CTTNBP2: variants seen among roughly 807,000 people sequenced by gnomAD.
The protein encoded by CTTNBP2 is cortactin-binding protein 2.
A neutral mutation model predicts 156.9 loss-of-function variants in CTTNBP2; 108 were observed. The observed-to-expected ratio is 0.69, with a 90% CI of 0.59 to 0.81. The LOEUF is 0.81. Among genes scored for constraint, CTTNBP2 ranks in the 30% least tolerant of loss-of-function variants. CTTNBP2 has a pLI of 0.00. For missense variants in CTTNBP2, 1,924 were observed against 2,035.4 expected, an observed-to-expected ratio of 0.95 and a Z score of 1.05; for synonymous variants, 767 against 751.8, an observed-to-expected ratio of 1.02 and a Z score of -0.33.
chr7:117,768,873 T>C (rs1202707557), intron 8 of CTTNBP2, among the ~76,000 whole-genome samples: 1 of 152,328 alleles, frequency 6.6e-6, no homozygotes, highest in Non-Finnish European at 1.5e-5. Flanking sequence ...TTCATCCATG[T>C]GTTGGGAGTA....
chr7:117,831,604 G>A (rs1334481104), intron 2 of CTTNBP2, among the ~76,000 whole-genome samples: 1 of 152,088 alleles, frequency 6.6e-6, no homozygotes, highest in Non-Finnish European at 1.5e-5. Context: ...ACATTTGAAA[G>A]ACTGTATACA....
chr7:117,831,809 C>T (rs1245118612), intron 2 of CTTNBP2, among the ~76,000 whole-genome samples: 1 of 152,032 alleles, frequency 6.6e-6, no homozygotes, highest in Admixed American at 6.6e-5. Flanking sequence ...TGCTAGAGAT[C>T]AGTTTCTTTT....
intron 3 of CTTNBP2, among the ~76,000 whole-genome samples, chr7:117,810,026 C>T (rs1563029551): frequency 6.6e-6 from 1 of 151,988 alleles, no homozygotes; most frequent in Admixed American, 6.6e-5. Flanking sequence ...TTTCTATTTA[C>T]TTATTTCCTT....
intron 7 of CTTNBP2, 92 bp downstream of exon 7, chr7:117,780,349 C>A: frequency 1.2e-6 from 1 of 854,774 alleles, no homozygotes; most frequent in Non-Finnish European, 1.7e-6. Flanking sequence ...AAAGCAACCT[C>A]TATTTTAATT....
chr7:117,789,034 A>G (rs889541841), intron 4 of CTTNBP2, among the ~76,000 whole-genome samples: 1 of 152,138 alleles, frequency 6.6e-6, no homozygotes, highest in African/African-American at 2.4e-5. Context: ...GACATAAGTG[A>G]AGGGCATTTT....
rs1236566141 is a variant in CTTNBP2 at position 117,791,223 on chromosome 7, A to G, written c.1973T>C (p.Ile658Thr). ...AGAGCAAAAGGCAATGGTGGTAGGA[A>G]TGACAAGGGAACTGTCTGAACATGC... ...QPACSDSSLVIPTTIAFCSSI... is the reference protein window; with the variant it reads ...QPACSDSSLVTPTTIAFCSSI... Residue 658 changes from isoleucine to threonine, a missense_variant, in exon 4 of 23, where the codon ATT (isoleucine) becomes ACT (threonine). By Grantham distance (89) the Ile-to-Thr change is moderately conservative. Coordinates refer to ENST00000160373, the MANE Select transcript of CTTNBP2 (RefSeq NM_033427.3). 6.2e-7 allele frequency: 1 copy of G among 1,614,174 alleles called. No homozygotes were observed. The highest frequency in any genetic ancestry group is 1.7e-5 in the Admixed American group (1 of 60,024).
intron 1 of CTTNBP2, among the ~76,000 whole-genome samples, chr7:117,868,419 A>C (rs895138969): frequency 1.3e-5 from 2 of 152,192 alleles, no homozygotes; most frequent in Admixed American, 6.5e-5. Flanking sequence ...CGACTACTCT[A>C]CATTTACTAT....
At chr7:117,752,913 A>G (rs1380400305) in intron 12 of CTTNBP2, among the ~76,000 whole-genome samples, 1 of 152,210 alleles carries the variant, frequency 6.6e-6, no homozygotes, top group Non-Finnish European at 1.5e-5. Flanking sequence ...AGGTTGGTGT[A>G]TAATAAATGC....
Position 117,873,436 on chromosome 7 carries a change from G to GA in CTTNBP2, c.-22dup. The GA allele has an allele frequency of 6.8e-7, 1 of 1,460,832 alleles. No homozygotes were observed. The highest frequency in any genetic ancestry group is 1.4e-5 in the South Asian group (1 of 72,394). 90.5% of individuals were successfully genotyped at this position (1,460,832 alleles called of 1,614,324 possible). On this transcript the variant is annotated 5_prime_UTR_variant, in exon 1 of 23. Coordinates refer to ENST00000160373, the MANE Select transcript of CTTNBP2 (RefSeq NM_033427.3). ...GCCATCTTCCTGCTCTAGCGGATCCGAATGCGAGCTCGGAGCCGCGGCTCC... is the reference window on the plus strand; with the variant it reads ...GCCATCTTCCTGCTCTAGCGGATCCGAAATGCGAGCTCGGAGCCGCGGCTCC...
At chr7:117,810,705 G>T in intron 3 of CTTNBP2, 60 bp downstream of exon 3, 1 of 1,338,356 alleles carries the variant, frequency 7.5e-7, no homozygotes, top group Non-Finnish European at 1.1e-6. Flanking sequence ...CAACTTTGGA[G>T]GTGATCTCCT....
At position 117,791,831 on chromosome 7, in the gene CTTNBP2, A is replaced by T; in HGVS notation, c.1365T>A (p.Asn455Lys). 1 of 1,614,180 alleles carries T rather than the reference A, an allele frequency of 6.2e-7. No individual in the cohort carries two copies. Among genetic ancestry groups the T allele is most frequent in the Non-Finnish European group, 8.5e-7 (1 of 1,180,038 alleles). The change falls in exon 4 of 23, where the codon AAT becomes AAA. Residue 455 changes from asparagine (N) to lysine (K), a missense_variant. Coordinates refer to ENST00000160373, the MANE Select transcript of CTTNBP2 (RefSeq NM_033427.3). The part of the protein sequence containing the change: ...IQAARFRFQG[N>K]ANDPDQNGNT... ...TTCCATTTTGGTCTGGGTCGTTAGC[A>T]TTGCCCTGAAATCTAAATCTAGCTG... is the stretch of plus-strand genomic sequence containing the variant.
At chr7:117,847,819 CTTTTTTTTTTTTTTTTTT>C (rs201419286) in intron 2 of CTTNBP2, among the ~76,000 whole-genome samples, 5 of 91,370 alleles carry the variant, frequency 5.5e-5, no homozygotes, top group Non-Finnish European at 1.1e-4. Context: ...TTTGCCTAAC[CTTTTTTTTTTTTTTTTTT>C]TTTTTTTTTT....
intron 2 of CTTNBP2, among the ~76,000 whole-genome samples, chr7:117,844,810 T>G (rs541074697): frequency 2.0e-5 from 3 of 152,188 alleles, no homozygotes; most frequent in East Asian, 3.9e-4. Flanking sequence ...CTGGTGCCCA[T>G]GAGTGGGTTG....
At chr7:117,752,601 T>C (rs1051236360) in intron 12 of CTTNBP2, among the ~76,000 whole-genome samples, 1 of 152,194 alleles carries the variant, frequency 6.6e-6, no homozygotes, top group Non-Finnish European at 1.5e-5. Flanking sequence ...AAGTCTTCAC[T>C]ACATGTGGTT....
At chr7:117,800,412 T>C (rs1799546882) in intron 3 of CTTNBP2, among the ~76,000 whole-genome samples, 1 of 152,038 alleles carries the variant, frequency 6.6e-6, no homozygotes, top group South Asian at 2.1e-4. Flanking sequence ...TATATCTTGT[T>C]GGTGGGGTGG....
Position 117,718,002 on chromosome 7 carries a change from A to C in CTTNBP2, c.4746+16T>G. 1 of 1,458,216 alleles carries C rather than the reference A, an allele frequency of 6.9e-7. No homozygotes were observed. The highest frequency in any genetic ancestry group is 2.3e-5 in the East Asian group (1 of 44,136). 90.3% of individuals were successfully genotyped at this position (1,458,216 alleles called of 1,614,324 possible). A position where few individuals can be genotyped will look rare whatever the true frequency, so the allele number is the denominator to read the frequency against. On this transcript the variant is annotated intron_variant, in intron 22 of 22. Transcript: ENST00000160373. Reference sequence around the variant, plus strand: ...CAATCATCCTTTGTTCACTTTGGGGAGAAAGGGACACTTACCTTTTGTGAC... The same window carrying C: ...CAATCATCCTTTGTTCACTTTGGGGCGAAAGGGACACTTACCTTTTGTGAC...
chr7:117,824,423 A>G (rs2117043962), intron 2 of CTTNBP2, among the ~76,000 whole-genome samples: 1 of 152,200 alleles, frequency 6.6e-6, no homozygotes. Context: ...TTTCTACTTT[A>G]TCACTTTAAT....
chr7:117,829,709 G>A (rs547901163), intron 2 of CTTNBP2, among the ~76,000 whole-genome samples: 152 of 152,234 alleles, frequency 1.0e-3, no homozygotes, highest in Middle Eastern at 3.4e-3. Context: ...CCCCAAATAG[G>A]AATTACATCC....
intron 3 of CTTNBP2, among the ~76,000 whole-genome samples, chr7:117,801,225 T>C (rs1045766166): frequency 1.3e-5 from 2 of 152,176 alleles, no homozygotes; most frequent in Admixed American, 6.5e-5. Context: ...ATTTAATGAA[T>C]AAGATATTTA....
Sources: allele counts gnomAD v4.1 joint callset (sites outside exome capture counted in the v4.1 genomes callset), GRCh38; gene constraint gnomAD v4.1.1; transcripts MANE v1.5; gene names NCBI Gene and HGNC (gene_info 2026-07-23, HGNC 2026-07-21).